DPP6: variants seen among roughly 807,000 people sequenced by gnomAD.
DPP6 encodes the protein dipeptidyl peptidase like 6, also known as A-type potassium channel modulatory protein DPP6.
A neutral mutation model predicts 122.6 loss-of-function variants in DPP6; 69 were observed. That is an observed-to-expected ratio of 0.56 (90% CI 0.46 to 0.69). DPP6 has a LOEUF of 0.69. Among genes scored for constraint, DPP6 ranks in the 30% least tolerant of loss-of-function variants. The probability of loss-of-function intolerance (pLI) is 0.00; values close to 1 mark genes in which losing one functional copy is unlikely to be tolerated. For missense variants in DPP6, 928 were observed against 1,116.9 expected (o/e 0.83, Z 2.41); for synonymous variants, 418 against 433.1 (o/e 0.97, Z 0.43).
intron 3 of DPP6, among the ~76,000 whole-genome samples, chr7:154,519,850 G>A (rs927004287): frequency 1.3e-5 from 2 of 152,196 alleles, no homozygotes; most frequent in Admixed American, 6.5e-5. Flanking sequence ...AAAAGGTGTA[G>A]TTGGTTTTCC....
At chr7:153,805,430 A>C in the DPP6 span, among the ~76,000 whole-genome samples, 1 of 152,228 alleles carries the variant, frequency 6.6e-6, no homozygotes, top group South Asian at 2.1e-4. Context: ...TCTTGGGTTA[A>C]GTTTTGAAAG....
intron 17 of DPP6, chr7:154,858,609 TCTC>T (rs1253150723): frequency 1.3e-5 from 2 of 152,318 alleles, no homozygotes; most frequent in Non-Finnish European, 2.9e-5. Context: ...CACGGCACCT[TCTC>T]CTGCTCTGAG....
At chr7:153,764,632 T>G in the DPP6 span, among the ~76,000 whole-genome samples, 4 of 151,774 alleles carry the variant, frequency 2.6e-5, no homozygotes, top group Non-Finnish European at 4.4e-5. Context: ...GACCCTCACA[T>G]AGAATGTTGG....
chr7:154,615,762 G>A (rs188238827), intron 5 of DPP6, among the ~76,000 whole-genome samples: 8 of 150,450 alleles, frequency 5.3e-5, no homozygotes, highest in East Asian at 1.9e-4. Flanking sequence ...CTCTGTCCCC[G>A]TTAAATACTA....
At chr7:154,498,296 T>A (rs533010861) in intron 3 of DPP6, among the ~76,000 whole-genome samples, 1 of 152,280 alleles carries the variant, frequency 6.6e-6, no homozygotes, top group Non-Finnish European at 1.5e-5. Context: ...GCAATGAATT[T>A]TCCTCACATA....
At chr7:154,283,008 A>G (rs1211569142) in intron 1 of DPP6, among the ~76,000 whole-genome samples, 1 of 152,104 alleles carries the variant, frequency 6.6e-6, no homozygotes, top group African/African-American at 2.4e-5. Flanking sequence ...ATACCCATAC[A>G]TATCTGTGGA....
At position 154,769,433 on chromosome 7, in the gene DPP6, A is replaced by G; in HGVS notation, c.900A>G (p.Thr300=). The change falls in exon 9 of 26, where the codon ACA becomes ACG. Residue 300 remains threonine (T), a synonymous_variant. Transcript: ENST00000377770. ...DWLYEEEILK[T]HIAHWWSPDG... The stretch of plus-strand genomic sequence containing the variant: ...TTCCCTTAGAGGAGATTTTGAAGAC[A>G]CACATCGCACACTGGTGGTCTCCGG... The G allele has an allele frequency of 6.2e-7, 1 of 1,613,644 alleles. No homozygotes were observed. The highest frequency in any genetic ancestry group is 8.5e-7 in the Non-Finnish European group (1 of 1,179,842).
chr7:154,777,509 C>T (rs991387631), intron 10 of DPP6, among the ~76,000 whole-genome samples: 2 of 152,236 alleles, frequency 1.3e-5, no homozygotes, highest in African/African-American at 2.4e-5. Context: ...AAATGCAAAT[C>T]GCTGTGCTGT....
chr7:154,799,872 T>C (rs754898935), intron 12 of DPP6, among the ~76,000 whole-genome samples: 24 of 152,200 alleles, frequency 1.6e-4, no homozygotes, highest in African/African-American at 7.2e-5. Flanking sequence ...ATTTACCACA[T>C]GAGAAACCGG....
In DPP6 at chr7:154,740,173, A is replaced by G. The variant is rs545412023; in HGVS notation, c.883+12286A>G. On this transcript the variant is annotated intron_variant, in intron 8 of 25. Transcript: ENST00000377770. ...GGATGTTCAGTGACTATATTTTTCT[A>G]TCTTTCAAATTATGCATTTCATTGT... is the stretch of plus-strand genomic sequence containing the variant. Among the ~76,000 whole-genome samples the G allele has an allele frequency of 5.3e-5, 8 of 152,330 alleles. No individual in the cohort carries two copies. In the South Asian group the frequency reaches 1.0e-3, roughly 20 times the overall value.
At chr7:154,245,123 G>A (rs1480958259) in intron 1 of DPP6, among the ~76,000 whole-genome samples, 1 of 151,112 alleles carries the variant, frequency 6.6e-6, no homozygotes, top group Non-Finnish European at 1.5e-5. Flanking sequence ...GCTAATTTTT[G>A]TATTTTTTTG....
At chr7:154,293,371 G>A (rs1036302567) in intron 1 of DPP6, among the ~76,000 whole-genome samples, 3 of 152,150 alleles carry the variant, frequency 2.0e-5, no homozygotes, top group African/African-American at 7.2e-5. Flanking sequence ...TGATCCCCAA[G>A]TGTTTTAAGC....
chr7:154,028,305 A>G (rs1201707608), intron 1 of DPP6, among the ~76,000 whole-genome samples: 1 of 151,894 alleles, frequency 6.6e-6, no homozygotes. Context: ...TGTCTGGCCA[A>G]GGCCACAACA....
intron 3 of DPP6, among the ~76,000 whole-genome samples, chr7:154,485,646 A>G (rs1823720011): frequency 6.6e-6 from 1 of 152,182 alleles, no homozygotes; most frequent in Admixed American, 6.5e-5. Flanking sequence ...TTTCTATAGG[A>G]CCTACGGGAA....
intron 8 of DPP6, among the ~76,000 whole-genome samples, chr7:154,766,206 A>G (rs1795889755): frequency 1.3e-5 from 2 of 152,194 alleles, no homozygotes; most frequent in Admixed American, 6.5e-5. Flanking sequence ...CGCATGTGCC[A>G]CTGTCTCGAT....
At chr7:153,863,649 C>T in the DPP6 span, among the ~76,000 whole-genome samples, 1 of 152,126 alleles carries the variant, frequency 6.6e-6, no homozygotes, top group East Asian at 1.9e-4. Flanking sequence ...ATTGTACACC[C>T]ATCGACTGAA....
chr7:154,778,252 A>G (rs1020486417), intron 10 of DPP6, among the ~76,000 whole-genome samples: 12 of 152,118 alleles, frequency 7.9e-5, no homozygotes, highest in African/African-American at 2.9e-4. Context: ...TGTGAGCACC[A>G]TGTGGAGACC....
chr7:154,399,612 T>C (rs1815393760), intron 1 of DPP6, among the ~76,000 whole-genome samples: 1 of 152,194 alleles, frequency 6.6e-6, no homozygotes, highest in African/African-American at 2.4e-5. Context: ...AGCAGTTATA[T>C]TGAGAACATC....
intron 21 of DPP6, chr7:154,883,422 TCACA>T (rs201729226): frequency 9.5e-6 from 1 of 105,762 alleles, no homozygotes; most frequent in East Asian, 3.9e-4. Context: ...ATACACATGC[TCACA>T]CACACGCTCA....
Sources: allele counts gnomAD v4.1 joint callset (sites outside exome capture counted in the v4.1 genomes callset), GRCh38; gene constraint gnomAD v4.1.1; transcripts MANE v1.5; gene names NCBI Gene and HGNC (gene_info 2026-07-23, HGNC 2026-07-21).